IBTK: variants seen among roughly 807,000 people sequenced by gnomAD.
IBTK encodes the protein BTK-binding protein.
IBTK carries 83 observed loss-of-function variants against 154.9 expected under a neutral mutation model. The ratio of observed to expected loss-of-function variants is 0.54; its 90% CI spans 0.45 to 0.64. The LOEUF (loss-of-function observed/expected upper bound fraction) is 0.64. Among genes scored for constraint, IBTK ranks in the 30% least tolerant of loss-of-function variants. The pLI is 0.00. For synonymous variants in IBTK, 515 were observed against 536.1 expected, an observed-to-expected ratio of 0.96 and a Z score of 0.54; for missense variants, 1,332 against 1,584.6, an observed-to-expected ratio of 0.84 and a Z score of 2.71.
At position 82,214,500 on chromosome 6, in the gene IBTK, G is replaced by C. The variant is rs1769791977; in HGVS notation, c.1931C>G (p.Thr644Ser). Residue 644 changes from threonine (T) to serine (S), a missense_variant, in exon 12 of 29, where the codon ACT becomes AGT. Coordinates refer to ENST00000306270, the MANE Select transcript of IBTK (RefSeq NM_015525.4). ...GTGTATTCTTGGTTTGAAGCCATGA[G>C]TTAAAAAGTCACAAGTATCTGTGTA... is the stretch of plus-strand genomic sequence containing the variant. Reference protein sequence around the residue: ...FIYTDTCDFLTHGFKPRIHLN... With the variant: ...FIYTDTCDFLSHGFKPRIHLN... The C allele has an allele frequency of 1.2e-6, 2 of 1,614,012 alleles. No homozygotes were observed. The highest frequency in any genetic ancestry group is 1.7e-5 in the Admixed American group (1 of 60,016).
At chr6:82,183,539 CAG>C (rs1286598074) in intron 25 of IBTK, among the ~76,000 whole-genome samples, 1 of 151,790 alleles carries the variant, frequency 6.6e-6, no homozygotes, top group Non-Finnish European at 1.5e-5. Context: ...CTGAAAATAA[CAG>C]AAAGTCTATA....
At chr6:82,180,076 T>C (rs2127798396) in intron 26 of IBTK, among the ~76,000 whole-genome samples, 1 of 18,720 alleles carries the variant, frequency 5.3e-5, no homozygotes, top group Non-Finnish European at 1.1e-4. Flanking sequence ...GTACTTAGCA[T>C]AATGTTTGAC....
At chr6:82,232,533 T>C (rs945703100) in intron 3 of IBTK, among the ~76,000 whole-genome samples, 2 of 152,236 alleles carry the variant, frequency 1.3e-5, no homozygotes, top group African/African-American at 4.8e-5. Flanking sequence ...ATTATCACTG[T>C]TAACCTGCAA....
chr6:82,240,487 CCTAA>C lies in IBTK; in HGVS notation c.-5_-2del, dbSNP rs753769744. Reference sequence around the variant, plus strand: ...TGCAGTCAGGCATGGGTGAACTCATCCTAACTGTTTTTATACCACTTACTTCAGA... The same window carrying C: ...TGCAGTCAGGCATGGGTGAACTCATCCTGTTTTTATACCACTTACTTCAGA... On this transcript the variant is annotated 5_prime_UTR_variant, in exon 2 of 29. Transcript: ENST00000306270. 13 of 1,608,680 alleles carry C rather than the reference CCTAA, an allele frequency of 8.1e-6. No individual in the cohort carries two copies. The highest frequency in any genetic ancestry group is 1.6e-4 in the Middle Eastern group (1 of 6,066).
chr6:82,225,668 T>C, intron 5 of IBTK, 21 bp from the exon 6 acceptor site: 1 of 1,571,928 alleles, frequency 6.4e-7, no homozygotes, highest in Non-Finnish European at 8.7e-7. Context: ...AAATTAACTT[T>C]AGTATACTAC....
At chr6:82,239,601 C>T (rs1206184005) in intron 2 of IBTK, among the ~76,000 whole-genome samples, 1 of 152,190 alleles carries the variant, frequency 6.6e-6, no homozygotes, top group African/African-American at 2.4e-5. Context: ...AAACACACAG[C>T]CAGTAAACAG....
chr6:82,241,763 A>AC (rs1562111697), intron 1 of IBTK, among the ~76,000 whole-genome samples: 2 of 152,234 alleles, frequency 1.3e-5, no homozygotes, highest in African/African-American at 4.8e-5. Flanking sequence ...GCCTCAATAT[A>AC]TATGGTCTTT....
Position 82,220,614 on chromosome 6 carries a change from A to C in IBTK, c.1224T>G (p.Ile408Met), listed in dbSNP as rs1245286086. 7 of 1,612,726 alleles carry C rather than the reference A, an allele frequency of 4.3e-6. No homozygotes were observed. Among genetic ancestry groups the C allele is most frequent in the Non-Finnish European group, 5.1e-6 (6 of 1,179,596 alleles). Residue 408 changes from isoleucine to methionine, a missense_variant, in exon 9 of 29, where the codon ATT becomes ATG. Coordinates refer to ENST00000306270, the MANE Select transcript of IBTK (RefSeq NM_015525.4). ...CCCTTCCAGCTCCATCCATTGCAAGAATGCAAATTTTTTGACCCCCATTTT... is the reference window on the plus strand; with the variant it reads ...CCCTTCCAGCTCCATCCATTGCAAGCATGCAAATTTTTTGACCCCCATTTT... ...LKENGGQKIC[I>M]LAMDGAGRVF...
chr6:82,210,725 T>C (rs548863937), intron 16 of IBTK, 89 bp downstream of exon 16: 31 of 520,794 alleles, frequency 6.0e-5, no homozygotes, highest in African/African-American at 5.2e-4. Context: ...ATTGATGGTT[T>C]TTTTCTATTA....
chr6:82,184,236 A>C (rs1768453539), intron 25 of IBTK, among the ~76,000 whole-genome samples: 1 of 152,222 alleles, frequency 6.6e-6, no homozygotes, highest in Admixed American at 6.5e-5. Flanking sequence ...AGCCACAGAA[A>C]ATTTATGGAG....
At chr6:82,229,973 A>G (rs1770446940) in intron 4 of IBTK, among the ~76,000 whole-genome samples, 1 of 152,116 alleles carries the variant, frequency 6.6e-6, no homozygotes, top group African/African-American at 2.4e-5. Context: ...AGTTTAAAAA[A>G]TAGTGTTCTA....
At chr6:82,175,958 G>A (rs145667794) in intron 26 of IBTK, among the ~76,000 whole-genome samples, 3 of 151,906 alleles carry the variant, frequency 2.0e-5, no homozygotes, top group African/African-American at 2.4e-5. Flanking sequence ...GAACCCAGGA[G>A]GCAGAGGTTG....
chr6:82,194,374 T>C (rs1768900841), intron 23 of IBTK, 105 bp downstream of exon 23: 2 of 862,618 alleles, frequency 2.3e-6, no homozygotes, highest in Admixed American at 3.8e-5. Flanking sequence ...GCATTAGAAA[T>C]TTATATTAAT....
chr6:82,177,349 C>T (rs1241917783), intron 26 of IBTK, among the ~76,000 whole-genome samples: 1 of 151,924 alleles, frequency 6.6e-6, no homozygotes, highest in African/African-American at 2.4e-5. Context: ...AGCTAAATTA[C>T]AGACATGCAC....
At chr6:82,184,345 T>TA (rs1428947628) in intron 25 of IBTK, among the ~76,000 whole-genome samples, 1 of 152,230 alleles carries the variant, frequency 6.6e-6, no homozygotes, top group Admixed American at 6.5e-5. Context: ...ATTTTAGCTT[T>TA]AAAATATTAA....
intron 9 of IBTK, among the ~76,000 whole-genome samples, chr6:82,219,935 C>T (rs796594207): frequency 1.4e-4 from 21 of 152,200 alleles, no homozygotes; most frequent in Admixed American, 5.2e-4. Context: ...TGAGGCCAGG[C>T]GCAGTGGCTC....
rs1582210150 is a variant in IBTK, at chr6:82,201,495, A to G, written c.2730-13T>C. The G allele has an allele frequency of 3.8e-6, 6 of 1,576,588 alleles. No homozygotes were observed. Among genetic ancestry groups the G allele is most frequent in the African/African-American group, 1.4e-5 (1 of 73,768 alleles). On this transcript the variant is annotated splice_polypyrimidine_tract_variant and intron_variant, in intron 18 of 28. Coordinates refer to ENST00000306270, the MANE Select transcript of IBTK (RefSeq NM_015525.4). ...AACATCAAGAGACCTAAAATATAGG[A>G]TACAAAATTCTATCTTAAGATTCAA...
chr6:82,216,634 T>A (rs1167466724), intron 10 of IBTK, among the ~76,000 whole-genome samples: 1 of 152,176 alleles, frequency 6.6e-6, no homozygotes, highest in Admixed American at 6.5e-5. Flanking sequence ...AATATATAAA[T>A]CTACTGTCTT....
intron 21 of IBTK, among the ~76,000 whole-genome samples, chr6:82,199,825 C>T (rs1403056658): frequency 6.6e-6 from 1 of 152,162 alleles, no homozygotes; most frequent in Non-Finnish European, 1.5e-5. Context: ...ATGTGCAACT[C>T]TTTCTCTTGC....
Sources: allele counts gnomAD v4.1 joint callset (sites outside exome capture counted in the v4.1 genomes callset), GRCh38; gene constraint gnomAD v4.1.1; transcripts MANE v1.5; gene names NCBI Gene and HGNC (gene_info 2026-07-23, HGNC 2026-07-21).